Variants in PTPRM observed in about 807,000 individuals in gnomAD.
PTPRM encodes receptor-type tyrosine-protein phosphatase mu.
In PTPRM, 47 loss-of-function variants were observed where a neutral mutation model predicts 186.7. The ratio of observed to expected loss-of-function variants is 0.25; its 90% CI spans 0.20 to 0.32. The LOEUF (loss-of-function observed/expected upper bound fraction) is 0.32, where lower values mean the gene tolerates loss of function less well. Among genes scored for constraint, PTPRM ranks in the 10% least tolerant of loss-of-function variants. PTPRM has a pLI of 1.00. For missense variants in PTPRM, 1,494 were observed against 1,865.0 expected (o/e 0.80, Z 3.66); for synonymous variants, 668 against 674.9 (o/e 0.99, Z 0.16).
chr18:7,876,369 T>TA (rs895276306), intron 2 of PTPRM, among the ~76,000 whole-genome samples: 17 of 151,484 alleles, frequency 1.1e-4, no homozygotes, highest in African/African-American at 2.2e-4. Context: ...TTAAAAACTT[T>TA]AAAAAAAAAC....
At chr18:7,608,615 T>C (rs1047553921) in intron 1 of PTPRM, among the ~76,000 whole-genome samples, 2 of 152,036 alleles carry the variant, frequency 1.3e-5, no homozygotes, top group Admixed American at 1.3e-4. Context: ...GAGTCAGATT[T>C]CCTTTGGATT....
chr18:7,854,469 C>T (rs1026800291), intron 2 of PTPRM, among the ~76,000 whole-genome samples: 1 of 152,016 alleles, frequency 6.6e-6, no homozygotes, highest in Non-Finnish European at 1.5e-5. Context: ...TGAAATGGAG[C>T]CTAATTTCAT....
chr18:7,612,863 G>A (rs2037709598), intron 1 of PTPRM, among the ~76,000 whole-genome samples: 1 of 152,206 alleles, frequency 6.6e-6, no homozygotes, highest in Non-Finnish European at 1.5e-5. Flanking sequence ...GGCTTACAAA[G>A]TGGAATGTAC....
intron 2 of PTPRM, among the ~76,000 whole-genome samples, chr18:7,790,056 T>G (rs1643554044): frequency 6.6e-6 from 1 of 152,206 alleles, no homozygotes; most frequent in Non-Finnish European, 1.5e-5. Flanking sequence ...AATTCTTTGC[T>G]CCTTCACTGG....
At chr18:7,854,847 T>G (rs1184585068) in intron 2 of PTPRM, among the ~76,000 whole-genome samples, 1 of 151,986 alleles carries the variant, frequency 6.6e-6, no homozygotes, top group Non-Finnish European at 1.5e-5. Context: ...GAAGCTTCAC[T>G]GCTTATTGCT....
intron 7 of PTPRM, among the ~76,000 whole-genome samples, chr18:7,981,226 C>T (rs1344545278): frequency 6.6e-6 from 1 of 152,146 alleles, no homozygotes; most frequent in Non-Finnish European, 1.5e-5. Flanking sequence ...GAGGCTTTCC[C>T]TAAGCAATCT....
At chr18:7,766,070 A>G (rs1210508439) in intron 1 of PTPRM, among the ~76,000 whole-genome samples, 2 of 152,194 alleles carry the variant, frequency 1.3e-5, no homozygotes, top group African/African-American at 4.8e-5. Flanking sequence ...TTACAATGCA[A>G]ATCACTGAAC....
At chr18:8,263,270 G>A (rs750026830) in intron 19 of PTPRM, among the ~76,000 whole-genome samples, 5 of 151,774 alleles carry the variant, frequency 3.3e-5, no homozygotes, top group African/African-American at 4.8e-5. Context: ...CACCACACCC[G>A]GCTAATTTTT....
chr18:8,289,206 G>C (rs1381787209), intron 19 of PTPRM, among the ~76,000 whole-genome samples: 1 of 151,806 alleles, frequency 6.6e-6, no homozygotes, highest in African/African-American at 2.4e-5. Flanking sequence ...GGATTAAAAT[G>C]CTCACCCCCC....
At chr18:8,302,513 T>C (rs1028824449) in intron 20 of PTPRM, among the ~76,000 whole-genome samples, 1 of 151,982 alleles carries the variant, frequency 6.6e-6, no homozygotes, top group African/African-American at 2.4e-5. Flanking sequence ...GTTAATAAAA[T>C]TTCATTGGAA....
intron 1 of PTPRM, among the ~76,000 whole-genome samples, chr18:7,658,355 TATATACATAC>T (rs1201359589): frequency 7.3e-6 from 1 of 136,176 alleles, no homozygotes; most frequent in African/African-American, 3.0e-5. Flanking sequence ...TATATATATA[TATATACATAC>T]ACACACACAC....
chr18:7,958,384 A>G (rs1056092177), intron 7 of PTPRM, among the ~76,000 whole-genome samples: 1 of 152,078 alleles, frequency 6.6e-6, no homozygotes, highest in Non-Finnish European at 1.5e-5. Context: ...GATTTTGCCC[A>G]TGGGGAGAGC....
chr18:8,034,704 T>C (rs1014015834), intron 7 of PTPRM, among the ~76,000 whole-genome samples: 4 of 152,192 alleles, frequency 2.6e-5, no homozygotes, highest in African/African-American at 9.6e-5. Context: ...GGCTCTCCCC[T>C]AGGGATTGTT....
intron 1 of PTPRM, among the ~76,000 whole-genome samples, chr18:7,705,675 ATTTC>A (rs977580520): frequency 8.6e-5 from 13 of 151,506 alleles, no homozygotes; most frequent in South Asian, 4.2e-4. Flanking sequence ...ATTAAGATGA[ATTTC>A]TTTCTTTCTC....
intron 14 of PTPRM, among the ~76,000 whole-genome samples, chr18:8,162,846 T>C (rs2093256403): frequency 6.6e-6 from 1 of 152,176 alleles, no homozygotes; most frequent in South Asian, 2.1e-4. Context: ...GCCCTGAAGT[T>C]TCTAAACTGC....
At chr18:8,270,650 T>A (rs2147619519) in intron 19 of PTPRM, among the ~76,000 whole-genome samples, 1 of 152,248 alleles carries the variant, frequency 6.6e-6, no homozygotes, top group East Asian at 1.9e-4. Context: ...ATGGTGCATA[T>A]ATGCAATGGA....
intron 2 of PTPRM, among the ~76,000 whole-genome samples, chr18:7,810,425 TC>T (rs1168976442): frequency 6.6e-6 from 1 of 152,248 alleles, no homozygotes; most frequent in Non-Finnish European, 1.5e-5. Context: ...TACATAGTTT[TC>T]CTTAAGAACA....
chr18:7,842,947 T>TAGAGAGAGAGAG (rs1555616950), intron 2 of PTPRM, among the ~76,000 whole-genome samples: 21 of 112,110 alleles, frequency 1.9e-4, no homozygotes, highest in East Asian at 1.2e-3. Flanking sequence ...TATATATATA[T>TAGAGAGAGAGAG]AGAGAGAGAG....
chr18:8,212,951 C>T (rs897083169), intron 14 of PTPRM, among the ~76,000 whole-genome samples: 9 of 152,142 alleles, frequency 5.9e-5, no homozygotes, highest in African/African-American at 2.2e-4. Context: ...AGGCCAACTC[C>T]TCATCTGCTG....
Sources: gnomAD v4.1 joint callset for allele counts (sites outside exome capture counted in the v4.1 genomes callset) on GRCh38, gnomAD v4.1.1 for gene constraint, MANE v1.5 for transcripts, NCBI Gene and HGNC (gene_info 2026-07-23, HGNC 2026-07-21) for gene names.